Variants in CAMTA1 observed in about 807,000 individuals in gnomAD.
CAMTA1 encodes the protein calmodulin-binding transcription activator 1.
A neutral mutation model predicts 170.9 loss-of-function variants in CAMTA1; 27 were observed. That is an observed-to-expected ratio of 0.16 (90% CI 0.12 to 0.22). The LOEUF (loss-of-function observed/expected upper bound fraction) is 0.22. Among genes scored for constraint, CAMTA1 ranks in the 10% least tolerant of loss-of-function variants. The pLI is 1.00. For missense variants in CAMTA1, 1,619 were observed against 2,217.2 expected (o/e 0.73, Z 5.42); for synonymous variants, 833 against 891.5 (o/e 0.93, Z 1.17).
Position 6,887,543 on chromosome 1 carries a change from A to T in CAMTA1, c.234+62333A>T. On this transcript the variant is annotated intron_variant, in intron 3 of 22. Coordinates refer to ENST00000303635, the MANE Select transcript of CAMTA1 (RefSeq NM_015215.4). This position sits in a 1 kb window ranked among gnomAD's most constrained non-coding sequence, Gnocchi z 4.1. ...TTAATATATACTTTAGTTTGCCTTT[A>T]CCCAGATGTCTCCTCCTCTCTCTGC... 6.7e-7 allele frequency: 1 copy of T among 1,482,030 alleles called. No individual in the cohort carries two copies. The highest frequency in any genetic ancestry group is 2.5e-5 in the East Asian group (1 of 39,910). 91.8% of individuals were successfully genotyped at this position (1,482,030 alleles called of 1,614,324 possible).
rs758303400 is a variant in CAMTA1, at chr1:7,493,386, AAC to A, written c.510+25488_510+25489del. Among the ~76,000 whole-genome samples the A allele has an allele frequency of 6.9e-5, 8 of 115,356 alleles. 1 individual carries two copies. Among genetic ancestry groups the A allele is most frequent in the Non-Finnish European group, 1.4e-4 (8 of 56,874 alleles). 75.7% of individuals were successfully genotyped at this position (115,356 alleles called of 152,430 possible). A position where few individuals can be genotyped will look rare whatever the true frequency, so the allele number is the denominator to read the frequency against. On this transcript the variant is annotated intron_variant, in intron 6 of 22. Coordinates refer to ENST00000303635, the MANE Select transcript of CAMTA1 (RefSeq NM_015215.4). The stretch of plus-strand genomic sequence containing the variant: ...AAACACACGTGCGCACACACAAACA[AAC>A]ACGTGCACACACACAAAAACACAAA...
intron 5 of CAMTA1, among the ~76,000 whole-genome samples, chr1:7,338,400 G>A (rs1183081535): frequency 2.0e-5 from 3 of 152,184 alleles, no homozygotes; most frequent in Non-Finnish European, 2.9e-5. Context: ...GTTTGGAGCC[G>A]TCTGCCTTTG....
rs147333674 is a variant in CAMTA1 at position 7,755,092 on chromosome 1, G to A, written c.4959-546G>A. On this transcript the variant is annotated intron_variant, in intron 21 of 22. Transcript: ENST00000303635. ...TGTAATCTCAGTACTTTGGGAGGCC[G>A]AGGCAGGCAGATCACTTGAGGTCAG... 6.6e-3 allele frequency among the ~76,000 whole-genome samples: 1,004 copies of A among 152,128 alleles called. 12 individuals are homozygous for A. The highest frequency in any genetic ancestry group is 0.023 in the African/African-American group (963 of 41,516).
intron 3 of CAMTA1, among the ~76,000 whole-genome samples, chr1:6,833,137 G>A (rs1651164394): frequency 6.6e-6 from 1 of 152,200 alleles, no homozygotes; most frequent in Non-Finnish European, 1.5e-5. Flanking sequence ...GGAATAGTAA[G>A]AGAAGTAAAT....
At chr1:7,465,647 C>A (rs1237611548) in intron 5 of CAMTA1, among the ~76,000 whole-genome samples, 3 of 152,124 alleles carry the variant, frequency 2.0e-5, no homozygotes, top group Non-Finnish European at 2.9e-5. Flanking sequence ...TTTTGTTTAT[C>A]GGATGGTTCT....
At chr1:7,679,110 A>G (rs938126491) in intron 11 of CAMTA1, among the ~76,000 whole-genome samples, 22 of 152,214 alleles carry the variant, frequency 1.4e-4, no homozygotes, top group African/African-American at 5.1e-4. Flanking sequence ...CTGAGGCCGG[A>G]GCCAGGCAGA....
intron 3 of CAMTA1, among the ~76,000 whole-genome samples, chr1:6,845,493 A>G (rs757260998): frequency 2.6e-5 from 4 of 152,204 alleles, no homozygotes; most frequent in Non-Finnish European, 5.9e-5. Context: ...TGGTTGCACA[A>G]CTCTGTGCAT....
chr1:7,702,852 C>T (rs2096456882), intron 11 of CAMTA1, among the ~76,000 whole-genome samples: 1 of 152,128 alleles, frequency 6.6e-6, no homozygotes, highest in South Asian at 2.1e-4. Context: ...CCTCCTCGCC[C>T]CCAAGTACCC....
rs1210724649 is a variant in CAMTA1 at position 7,443,047 on chromosome 1, CT to C, written c.439-24782del. On this transcript the variant is annotated intron_variant, in intron 5 of 22. Coordinates refer to ENST00000303635, the MANE Select transcript of CAMTA1 (RefSeq NM_015215.4). This position sits in a 1 kb window ranked among gnomAD's most constrained non-coding sequence, Gnocchi z 4.1. ...TCCTGCCTGTGGTCTCTCCTTGCCC[CT>C]GCGCAGATCCTCCTCCTGACTTCTT... is the stretch of plus-strand genomic sequence containing the variant. Among the ~76,000 whole-genome samples the C allele has an allele frequency of 6.6e-6, 1 of 151,566 alleles. No individual in the cohort carries two copies. The highest frequency in any genetic ancestry group is 1.5e-5 in the Non-Finnish European group (1 of 67,680).
rs943708881 is a variant in CAMTA1, at chr1:7,050,788, G to A, written c.235-40516G>A. ...TGGCCTCCACGAGTTTCTAGTCCTTGTCAGGGTGAGGCAGGCGGAGAAGAG... is the reference window on the plus strand; with the variant it reads ...TGGCCTCCACGAGTTTCTAGTCCTTATCAGGGTGAGGCAGGCGGAGAAGAG... On this transcript the variant is annotated intron_variant, in intron 3 of 22. Transcript: ENST00000303635. This position sits in a 1 kb window ranked among gnomAD's most constrained non-coding sequence, Gnocchi z 4.8. Among the ~76,000 whole-genome samples, 1 of 152,138 alleles carries A rather than the reference G, an allele frequency of 6.6e-6. No individual in the cohort carries two copies. Among genetic ancestry groups the A allele is most frequent in the African/African-American group, 2.4e-5 (1 of 41,422 alleles).
In CAMTA1 at chr1:7,155,298, C is replaced by T. The variant is rs908446549; in HGVS notation, c.302+63927C>T. 5.3e-5 allele frequency among the ~76,000 whole-genome samples: 8 copies of T among 151,598 alleles called. No homozygotes were observed. The South Asian group carries it at 6.3e-4, about 12-fold the overall frequency. ...CTCAAAGCCTCGTCATGCCGGGCAG[C>T]GCCCATCCCTGCCTACCTGTCCCTT... is the stretch of plus-strand genomic sequence containing the variant. On this transcript the variant is annotated intron_variant, in intron 4 of 22. Coordinates refer to ENST00000303635, the MANE Select transcript of CAMTA1 (RefSeq NM_015215.4).
rs1214136097 is a variant in CAMTA1, at chr1:7,286,980, T to C, written c.438+37354T>C. On this transcript the variant is annotated intron_variant, in intron 5 of 22. Transcript: ENST00000303635. This position sits in a 1 kb window ranked among gnomAD's most constrained non-coding sequence, Gnocchi z 4.2. ...ACTCTTACCTCTATCACTGTAAGTG[T>C]CAAAATTGTGATGGTCACTCTGAGA... Among the ~76,000 whole-genome samples the C allele has an allele frequency of 6.6e-6, 1 of 152,176 alleles. No homozygotes were observed. The highest frequency in any genetic ancestry group is 1.5e-5 in the Non-Finnish European group (1 of 68,036).
At chr1:7,174,294 T>C (rs1650294177) in intron 4 of CAMTA1, among the ~76,000 whole-genome samples, 2 of 152,200 alleles carry the variant, frequency 1.3e-5, no homozygotes, top group African/African-American at 2.4e-5. Flanking sequence ...ATTTATGCTT[T>C]AAAAATAAAA....
At chr1:6,912,963 C>A (rs1680031593) in intron 3 of CAMTA1, among the ~76,000 whole-genome samples, 1 of 152,180 alleles carries the variant, frequency 6.6e-6, no homozygotes, top group African/African-American at 2.4e-5. Context: ...ACTCCAGCGC[C>A]CAGCGTGGAG....
At chr1:7,200,336 ACAAATAT>A (rs1656425934) in intron 4 of CAMTA1, among the ~76,000 whole-genome samples, 1 of 152,254 alleles carries the variant, frequency 6.6e-6, no homozygotes, top group Non-Finnish European at 1.5e-5. Flanking sequence ...TAACCACAGT[ACAAATAT>A]CAAAGTCAGG....
At chr1:7,018,111 G>C (rs879550719) in intron 3 of CAMTA1, among the ~76,000 whole-genome samples, 5,877 of 107,652 alleles carry the variant, frequency 0.055, no homozygotes, top group East Asian at 0.077. Context: ...CCACAGGTGT[G>C]CGGCACCACG....
intron 5 of CAMTA1, among the ~76,000 whole-genome samples, chr1:7,256,966 G>A (rs1200474868): frequency 6.6e-6 from 1 of 151,976 alleles, no homozygotes; most frequent in Non-Finnish European, 1.5e-5. Flanking sequence ...GGCAGGAGGA[G>A]CTCTCTGGGG....
chr1:6,871,936 A>C lies in CAMTA1; in HGVS notation c.234+46726A>C, dbSNP rs1357929706. On this transcript the variant is annotated intron_variant, in intron 3 of 22. Transcript: ENST00000303635. ...CAAAGTGTAACACGCTGATTTCCTC[A>C]AATAGAGATACCCCTTTGAGTGATA... 3 of 1,339,034 alleles carry C rather than the reference A, an allele frequency of 2.2e-6. No homozygotes were observed. In the African/African-American group the frequency reaches 4.5e-5, roughly 20 times the overall value. 82.9% of individuals were successfully genotyped at this position (1,339,034 alleles called of 1,614,324 possible).
chr1:7,437,028 A>C (rs2092370426), intron 5 of CAMTA1, among the ~76,000 whole-genome samples: 1 of 152,136 alleles, frequency 6.6e-6, no homozygotes. Flanking sequence ...TCTGGGGCAC[A>C]GCTGGCAGGC....
Sources: allele counts gnomAD v4.1 joint callset (sites outside exome capture counted in the v4.1 genomes callset), GRCh38; gene constraint gnomAD v4.1.1; non-coding constraint Gnocchi (gnomAD v3.1); transcripts MANE v1.5; gene names NCBI Gene and HGNC (gene_info 2026-07-23, HGNC 2026-07-21).